Variants in MACROH2A1 observed in about 807,000 individuals in gnomAD.
The protein encoded by MACROH2A1 is macroH2A.1 histone.
In MACROH2A1, 2 loss-of-function variants were observed where a neutral mutation model predicts 31.6. The ratio of observed to expected loss-of-function variants is 0.06; its 90% CI spans 0.03 to 0.20. MACROH2A1 has a LOEUF of 0.20. Ranked by LOEUF, MACROH2A1 falls within the 10% of genes least tolerant of loss-of-function variation. The pLI, the probability that MACROH2A1 is intolerant of heterozygous loss-of-function variation, is 1.00. For synonymous variants in MACROH2A1, 169 were observed against 189.6 expected (o/e 0.89, Z 0.89); for missense variants, 230 against 474.0 (o/e 0.49, Z 4.78).
At chr5:135,346,389 G>A (rs1760842537) in intron 6 of MACROH2A1, 2 of 286,084 alleles carry the variant, frequency 7.0e-6, no homozygotes, top group East Asian at 8.7e-5. Context: ...CTTTTCATTG[G>A]CATGAGATAC....
intron 5 of MACROH2A1, chr5:135,359,114 G>A: frequency 1.0e-6 from 1 of 985,418 alleles, no homozygotes; most frequent in Non-Finnish European, 1.2e-6. Flanking sequence ...GAGGTATGAG[G>A]AATTCTGATC....
chr5:135,376,709 T>C (rs932496951), intron 2 of MACROH2A1, among the ~76,000 whole-genome samples: 6 of 152,344 alleles, frequency 3.9e-5, no homozygotes, highest in African/African-American at 1.2e-4. Context: ...TTTCCTATTC[T>C]GTACAGGGGG....
chr5:135,366,897 C>T (rs777371580), intron 4 of MACROH2A1, among the ~76,000 whole-genome samples: 2 of 152,164 alleles, frequency 1.3e-5, no homozygotes, highest in African/African-American at 2.4e-5. Flanking sequence ...TGAAGCCACC[C>T]AAGTAGAGAG....
chr5:135,375,360 G>A (rs1053925959), intron 2 of MACROH2A1, among the ~76,000 whole-genome samples: 1 of 152,220 alleles, frequency 6.6e-6, no homozygotes, highest in South Asian at 2.1e-4. Flanking sequence ...TTGGATAACA[G>A]CATGGTTTGG....
intron 4 of MACROH2A1, among the ~76,000 whole-genome samples, chr5:135,363,586 A>C (rs936720084): frequency 8.5e-5 from 13 of 152,178 alleles, no homozygotes; most frequent in South Asian, 2.1e-4. Flanking sequence ...CATTGATGGA[A>C]ATTTGGGTTG....
chr5:135,390,288 G>A lies in MACROH2A1; in HGVS notation c.-33-1162C>T, dbSNP rs145569748. On this transcript the variant is annotated intron_variant, in intron 1 of 8. Coordinates refer to ENST00000511689, the MANE Select transcript of MACROH2A1 (RefSeq NM_138610.3). Reference sequence around the variant, plus strand: ...GCTGCACACCACAGCATTGATGCACGTGTGCCCATTCTCCCATCAGACTGC... The same window carrying A: ...GCTGCACACCACAGCATTGATGCACATGTGCCCATTCTCCCATCAGACTGC... Among the ~76,000 whole-genome samples, 88 of 152,292 alleles carry A rather than the reference G, an allele frequency of 5.8e-4. 2 individuals are homozygous for A. The East Asian group carries it at 0.011, about 19-fold the overall frequency.
At chr5:135,359,477 G>A in intron 5 of MACROH2A1, 15 of 983,288 alleles carry the variant, frequency 1.5e-5, no homozygotes, top group Non-Finnish European at 1.8e-5. Context: ...AAAATACAAA[G>A]AATGGTTAAA....
intron 4 of MACROH2A1, among the ~76,000 whole-genome samples, chr5:135,363,660 A>T (rs1763129696): frequency 6.6e-6 from 1 of 152,252 alleles, no homozygotes; most frequent in African/African-American, 2.4e-5. Context: ...TCTTTATAGT[A>T]GCATGATTTA....
chr5:135,346,154 T>C (rs1760805668), intron 6 of MACROH2A1, 97 bp from the exon 7 acceptor site: 1 of 789,746 alleles, frequency 1.3e-6, no homozygotes, highest in Non-Finnish European at 2.3e-6. Flanking sequence ...AAATGATCTA[T>C]TAAATTTCCA....
chr5:135,358,488 TTTCAC>T, intron 5 of MACROH2A1: 3 of 985,402 alleles, frequency 3.0e-6, no homozygotes, highest in Non-Finnish European at 3.6e-6. Context: ...GGTGTTTTGT[TTTCAC>T]CACTAAAAAG....
intron 6 of MACROH2A1, among the ~76,000 whole-genome samples, chr5:135,349,222 G>A (rs892755806): frequency 5.3e-5 from 8 of 152,162 alleles, no homozygotes; most frequent in Admixed American, 4.6e-4. Context: ...TGAATGGCAG[G>A]ATGAACCCAG....
chr5:135,378,494 CAG>C (rs1256768200), intron 2 of MACROH2A1, among the ~76,000 whole-genome samples: 1 of 152,230 alleles, frequency 6.6e-6, no homozygotes, highest in African/African-American at 2.4e-5. Flanking sequence ...ATGACTGTTG[CAG>C]AGTCTGTCCC....
intron 8 of MACROH2A1, among the ~76,000 whole-genome samples, chr5:135,337,405 T>G (rs369129287): frequency 2.0e-5 from 3 of 152,152 alleles, no homozygotes; most frequent in African/African-American, 7.2e-5. Context: ...TCCCAAGGGG[T>G]CTCCCTGGAA....
At chr5:135,388,607 C>A (rs1353760358) in intron 2 of MACROH2A1, among the ~76,000 whole-genome samples, 1 of 152,036 alleles carries the variant, frequency 6.6e-6, no homozygotes, top group African/African-American at 2.4e-5. Flanking sequence ...GGAAAGAAAA[C>A]CAAACAAAAT....
At chr5:135,347,130 G>GGACGGTCA (rs1760937300) in intron 6 of MACROH2A1, 1 of 152,196 alleles carries the variant, frequency 6.6e-6, no homozygotes, top group African/African-American at 2.4e-5. Flanking sequence ...TTCTGGTATG[G>GGACGGTCA]GACGGTCAAG....
chr5:135,370,529 A>C (rs1315810557), intron 2 of MACROH2A1, among the ~76,000 whole-genome samples: 2 of 144,898 alleles, frequency 1.4e-5, no homozygotes, highest in Non-Finnish European at 2.9e-5. Flanking sequence ...GGTCCCTGAG[A>C]GTATACCATG....
intron 1 of MACROH2A1, among the ~76,000 whole-genome samples, chr5:135,394,134 G>A (rs1014828206): frequency 2.0e-5 from 3 of 152,132 alleles, no homozygotes; most frequent in African/African-American, 7.2e-5. Flanking sequence ...TGCCATGGAG[G>A]CCCTGCCACA....
At chr5:135,350,932 T>C in intron 6 of MACROH2A1, 3 of 1,531,878 alleles carry the variant, frequency 2.0e-6, no homozygotes, top group Non-Finnish European at 2.7e-6. Flanking sequence ...GGTAAACAAA[T>C]GTATATCAAC....
intron 8 of MACROH2A1, 164 bp downstream of exon 8, chr5:135,343,096 C>T (rs1760181734): frequency 6.7e-7 from 1 of 1,501,494 alleles, no homozygotes; most frequent in Non-Finnish European, 8.9e-7. Flanking sequence ...AATTGTCCCT[C>T]ACCATCATTT....
Sources: allele counts gnomAD v4.1 joint callset (sites outside exome capture counted in the v4.1 genomes callset), GRCh38; gene constraint gnomAD v4.1.1; transcripts MANE v1.5; gene names NCBI Gene and HGNC (gene_info 2026-07-23, HGNC 2026-07-21).